The following NXPE2 variants were observed in gnomAD, a reference collection of about 807,000 sequenced individuals.
NXPE2 encodes neurexophilin and PC-esterase domain family member 2.
In NXPE2, 34 loss-of-function variants were observed where a neutral mutation model predicts 34.4. That is an observed-to-expected ratio of 0.99 (90% confidence interval 0.75 to 1.31). The LOEUF is 1.31. Among genes scored for constraint, NXPE2 ranks in the 40% most tolerant of loss-of-function variants. NXPE2 has a pLI of 0.00. For synonymous variants in NXPE2, 235 were observed against 231.3 expected (o/e 1.02, Z -0.15); for missense variants, 649 against 672.5 (o/e 0.97, Z 0.39).
the NXPE2 span, among the ~76,000 whole-genome samples, chr11:114,744,767 C>T: frequency 2.0e-5 from 3 of 152,022 alleles, no homozygotes; most frequent in African/African-American, 7.3e-5. Flanking sequence ...TGCACCACTG[C>T]ACTCCAGCTT....
At chr11:114,598,808 C>T in the NXPE2 span, among the ~76,000 whole-genome samples, 1 of 151,870 alleles carries the variant, frequency 6.6e-6, no homozygotes, top group Non-Finnish European at 1.5e-5. Context: ...GAGAGGCTTC[C>T]ACAAAGTTCT....
the NXPE2 span, among the ~76,000 whole-genome samples, chr11:114,799,554 A>C: frequency 6.6e-6 from 1 of 152,222 alleles, no homozygotes; most frequent in African/African-American, 2.4e-5. Context: ...ATTCCAAATC[A>C]AGACAAAGCA....
At chr11:114,640,036 ATAT>A in the NXPE2 span, among the ~76,000 whole-genome samples, 7 of 119,028 alleles carry the variant, frequency 5.9e-5, no homozygotes, top group Admixed American at 9.9e-5. Flanking sequence ...TAACATAATT[ATAT>A]TATTTTATAA....
chr11:114,531,441 A>G, the NXPE2 span, among the ~76,000 whole-genome samples: 1 of 152,210 alleles, frequency 6.6e-6, no homozygotes, highest in South Asian at 2.1e-4. Flanking sequence ...GACTGTCTTC[A>G]GGCTTCAAGG....
At chr11:114,483,703 G>A in the NXPE2 span, among the ~76,000 whole-genome samples, 2 of 152,160 alleles carry the variant, frequency 1.3e-5, no homozygotes, top group South Asian at 2.1e-4. Flanking sequence ...CAGTTTAAGC[G>A]GGTATCTTTC....
the NXPE2 span, among the ~76,000 whole-genome samples, chr11:114,496,420 A>G: frequency 1.7e-4 from 26 of 151,982 alleles, 1 homozygote; most frequent in Middle Eastern, 3.4e-3. Context: ...TGTCTTTCCT[A>G]CCCTCTTCAG....
the NXPE2 span, among the ~76,000 whole-genome samples, chr11:114,644,165 T>C: frequency 6.6e-6 from 1 of 152,176 alleles, no homozygotes; most frequent in African/African-American, 2.4e-5. Context: ...GCTGAGATGA[T>C]GGGGTTTTCT....
chr11:114,516,252 C>T, the NXPE2 span, among the ~76,000 whole-genome samples: 1 of 152,084 alleles, frequency 6.6e-6, no homozygotes, highest in African/African-American at 2.4e-5. Context: ...GCTCCTGGAC[C>T]AGATCTGTCT....
the NXPE2 span, among the ~76,000 whole-genome samples, chr11:114,569,353 G>A: frequency 6.6e-6 from 1 of 152,176 alleles, no homozygotes; most frequent in East Asian, 1.9e-4. Flanking sequence ...TAACCTACAT[G>A]TGTAGATTAT....
the NXPE2 span, among the ~76,000 whole-genome samples, chr11:114,786,355 A>ACCC: frequency 9.0e-4 from 115 of 127,300 alleles, 4 homozygotes; most frequent in South Asian, 2.7e-3. Flanking sequence ...AGATCTTTCT[A>ACCC]CCCCCGCCCC....
chr11:114,743,937 A>T, the NXPE2 span, among the ~76,000 whole-genome samples: 1 of 151,496 alleles, frequency 6.6e-6, no homozygotes, highest in Non-Finnish European at 1.5e-5. Context: ...ATATAAGTGT[A>T]TATTTATATA....
the NXPE2 span, among the ~76,000 whole-genome samples, chr11:114,785,146 C>T: frequency 5.9e-5 from 9 of 151,938 alleles, no homozygotes; most frequent in Admixed American, 1.3e-4. Context: ...TTCAAAATGG[C>T]GACACAGGCA....
the NXPE2 span, among the ~76,000 whole-genome samples, chr11:114,591,021 G>T: frequency 2.6e-5 from 4 of 152,256 alleles, no homozygotes; most frequent in African/African-American, 9.6e-5. Flanking sequence ...AGCAAGTTGT[G>T]GTACAGATCT....
the NXPE2 span, among the ~76,000 whole-genome samples, chr11:114,524,756 G>A: frequency 5.3e-5 from 8 of 152,034 alleles, no homozygotes; most frequent in African/African-American, 1.5e-4. Context: ...TTATGTGTCA[G>A]GTATTCATTT....
chr11:114,630,996 A>G, the NXPE2 span, among the ~76,000 whole-genome samples: 14 of 150,984 alleles, frequency 9.3e-5, no homozygotes, highest in Non-Finnish European at 1.9e-4. Flanking sequence ...ACCAGTTAGA[A>G]TGGCAATCAT....
the NXPE2 span, among the ~76,000 whole-genome samples, chr11:114,612,076 G>C: frequency 2.6e-5 from 4 of 151,040 alleles, no homozygotes; most frequent in Non-Finnish European, 5.9e-5. Flanking sequence ...CTCTTACATG[G>C]TGGATAATAA....
chr11:114,498,261 TTA>T, the NXPE2 span, among the ~76,000 whole-genome samples: 1 of 152,070 alleles, frequency 6.6e-6, no homozygotes, highest in Non-Finnish European at 1.5e-5. Flanking sequence ...TTATCCCCAT[TTA>T]ACAATAATTT....
the NXPE2 span, among the ~76,000 whole-genome samples, chr11:114,810,985 C>G: frequency 1.3e-5 from 2 of 152,020 alleles, no homozygotes; most frequent in Admixed American, 6.6e-5. Context: ...CACAGATACA[C>G]CATGGAATAC....
the NXPE2 span, among the ~76,000 whole-genome samples, chr11:114,655,480 C>T: frequency 6.6e-6 from 1 of 152,084 alleles, no homozygotes; most frequent in South Asian, 2.1e-4. Context: ...AGTCTTTAAT[C>T]CATCTTGAGT....
Sources: allele counts gnomAD v4.1 joint callset (sites outside exome capture counted in the v4.1 genomes callset), GRCh38; gene constraint gnomAD v4.1.1; transcripts MANE v1.5; gene names NCBI Gene and HGNC (gene_info 2026-07-23, HGNC 2026-07-21).